ENTPD6: variants seen among roughly 807,000 people sequenced by gnomAD.
ENTPD6 encodes the protein ectonucleoside triphosphate diphosphohydrolase 6.
A neutral mutation model predicts 61.5 loss-of-function variants in ENTPD6; 46 were observed. That is an observed-to-expected ratio of 0.75 (90% CI 0.59 to 0.96). ENTPD6 has a LOEUF of 0.96. Ranked by LOEUF, ENTPD6 falls within the 40% of genes least tolerant of loss-of-function variation. The pLI is 0.00. For missense variants in ENTPD6, 612 were observed against 629.0 expected, an observed-to-expected ratio of 0.97 and a Z score of 0.29; for synonymous variants, 252 against 255.5, an observed-to-expected ratio of 0.99 and a Z score of 0.13.
chr20:25,200,613 A>AT (rs2090956160), intron 1 of ENTPD6, among the ~76,000 whole-genome samples: 1 of 152,088 alleles, frequency 6.6e-6, no homozygotes, highest in Non-Finnish European at 1.5e-5. Flanking sequence ...AATCATTTTT[A>AT]TTCTGTAAAA....
intron 1 of ENTPD6, among the ~76,000 whole-genome samples, chr20:25,203,979 C>T (rs2091258958): frequency 6.6e-6 from 1 of 152,228 alleles, no homozygotes; most frequent in Non-Finnish European, 1.5e-5. Context: ...TCTGAGGATG[C>T]ATCTTCCCTG....
chr20:25,198,269 A>T (rs966291074), intron 1 of ENTPD6, among the ~76,000 whole-genome samples: 3 of 152,132 alleles, frequency 2.0e-5, no homozygotes, highest in African/African-American at 7.2e-5. Flanking sequence ...TGAGGTCAGG[A>T]GTTCGAGACC....
intron 13 of ENTPD6, 53 bp downstream of exon 13, chr20:25,224,210 C>T (rs769352813): frequency 1.3e-5 from 20 of 1,542,362 alleles, no homozygotes; most frequent in African/African-American, 6.8e-5. Flanking sequence ...CCGTGATGCT[C>T]GTGACGCAGG....
chr20:25,218,714 A>T lies in ENTPD6; in HGVS notation c.943+100A>T. On this transcript the variant is annotated intron_variant, in intron 10 of 14. Coordinates refer to ENST00000376652, the MANE Select transcript of ENTPD6 (RefSeq NM_001247.5). ...CGGGAGGGCACCAGCTTGGCCCTGC[A>T]GGAGAGGTCCCTCTGCCCCTCCCAC... 4.0e-6 allele frequency: 5 copies of T among 1,237,338 alleles called. No individual in the cohort carries two copies. The East Asian group carries it at 1.3e-4, about 32-fold the overall frequency. The allele number at this position is 1,237,338 out of a possible 1,614,324, so 76.6% of individuals were successfully genotyped here. A position where few individuals can be genotyped will look rare whatever the true frequency, so the allele number is the denominator to read the frequency against.
At chr20:25,198,307 C>CT (rs1413874074) in intron 1 of ENTPD6, among the ~76,000 whole-genome samples, 1 of 152,082 alleles carries the variant, frequency 6.6e-6, no homozygotes, top group East Asian at 1.9e-4. Context: ...GAAATACCGT[C>CT]TGTACTAAAA....
At position 25,216,755 on chromosome 20, in the gene ENTPD6, C is replaced by T. The variant is rs2092338342; in HGVS notation, c.798+19C>T. On this transcript the variant is annotated intron_variant, in intron 8 of 14. Coordinates refer to ENST00000376652, the MANE Select transcript of ENTPD6 (RefSeq NM_001247.5). ...CGTGGAGGTAACAAGCCCTGCCGAC[C>T]ACAGCGCTCTTTCCACCCCGAGGCC... 3 of 1,566,024 alleles carry T rather than the reference C, an allele frequency of 1.9e-6. No individual in the cohort carries two copies. Among genetic ancestry groups the T allele is most frequent in the African/African-American group, 2.7e-5 (2 of 74,114 alleles).
rs1276803567 is a variant in ENTPD6 at position 25,225,200 on chromosome 20, C to T, written c.1244-5C>T. On this transcript the variant is annotated splice_region_variant and splice_polypyrimidine_tract_variant and intron_variant, in intron 13 of 14. Transcript: ENST00000376652. The stretch of plus-strand genomic sequence containing the variant: ...GGAGCGTGAAGGGACGTGTCTCATC[C>T]CCAGTGTGTCGGACCCTGGAGACAC... 16 of 1,610,826 alleles carry T rather than the reference C, an allele frequency of 9.9e-6. No homozygotes were observed. Among genetic ancestry groups the T allele is most frequent in the Non-Finnish European group, 1.3e-5 (15 of 1,178,920 alleles).
chr20:25,225,512 T>C lies in ENTPD6; in HGVS notation c.1370T>C (p.Ile457Thr). Residue 457 changes from isoleucine to threonine, a missense_variant, in exon 15 of 15, where the codon ATT becomes ACT. Coordinates refer to ENST00000376652, the MANE Select transcript of ENTPD6 (RefSeq NM_001247.5). ...TGTCTTTTCAAGCTCACTCGGAAAA[T>C]TGACAATGTTGAGACCAGCTGGGCT... ...RSKVLKLTRK[I>T]DNVETSWALG... The C allele has an allele frequency of 6.2e-7, 1 of 1,613,806 alleles. No homozygotes were observed. Among genetic ancestry groups the C allele is most frequent in the Non-Finnish European group, 8.5e-7 (1 of 1,179,856 alleles).
rs953477259 is a variant in ENTPD6, at chr20:25,197,286, C to G, written c.-16+1419C>G. The G allele has an allele frequency of 3.1e-6, 3 of 954,738 alleles. No individual in the cohort carries two copies. The African/African-American group carries it at 5.3e-5, about 17-fold the overall frequency. The allele number at this position is 954,738 out of a possible 1,614,324, so 59.1% of individuals were successfully genotyped here. A position where few individuals can be genotyped will look rare whatever the true frequency, so the allele number is the denominator to read the frequency against. ...GGGACAGGGTAGCTCCTACCACCAA[C>G]AACACTGCTCTACCCTCAGATTCTC... is the stretch of plus-strand genomic sequence containing the variant. On this transcript the variant is annotated intron_variant, in intron 1 of 14. Transcript: ENST00000376652.
rs1446760564 is a variant in ENTPD6 at position 25,206,513 on chromosome 20, C to T, written c.-15-9C>T. The T allele has an allele frequency of 6.2e-7, 1 of 1,607,960 alleles. No individual in the cohort carries two copies. The highest frequency in any genetic ancestry group is 1.3e-5 in the African/African-American group (1 of 74,820). ...TGGAAGTACACAGACATTATTTTCT[C>T]CTTGGCAGGAATGGGCTATGTGAAT... On this transcript the variant is annotated splice_polypyrimidine_tract_variant and intron_variant, in intron 1 of 14. Transcript: ENST00000376652.
Position 25,227,343 on chromosome 20 carries a change from A to ACTC in ENTPD6, c.*1748_*1750dup. 6.6e-6 allele frequency among the ~76,000 whole-genome samples: 1 copy of ACTC among 152,236 alleles called. No homozygotes were observed. The highest frequency in any genetic ancestry group is 1.9e-4 in the East Asian group (1 of 5,176). Reference sequence around the variant, plus strand: ...ATCCACCAGCTTAAATATTTAAAGAACTCCGGAGGCTGAGAATCAGACGCA... The same window carrying ACTC: ...ATCCACCAGCTTAAATATTTAAAGAACTCCTCCGGAGGCTGAGAATCAGACGCA... On this transcript the variant is annotated 3_prime_UTR_variant, in exon 15 of 15. Transcript: ENST00000376652.
Position 25,207,088 on chromosome 20 carries a change from G to A in ENTPD6, c.67G>A (p.Gly23Ser), listed in dbSNP as rs45506395. The A allele has an allele frequency of 0.015, 23,700 of 1,606,310 alleles. 242 individuals carry two copies. Among genetic ancestry groups the A allele is most frequent in the Non-Finnish European group, 0.017 (20,094 of 1,173,902 alleles). ...CCCTTCCCACCAGCAGCCGCAGCAC[G>A]GTCCTTGGCAAACAAGGATGAGAAA... ...TSYIFQQPQH[G>S]PWQTRMRKIS... The change falls in exon 3 of 15, where the codon GGT (glycine) becomes AGT (serine). Residue 23 changes from glycine to serine, a missense_variant. Physicochemically the swap from Gly to Ser is moderately conservative, Grantham distance 56. Coordinates refer to ENST00000376652, the MANE Select transcript of ENTPD6 (RefSeq NM_001247.5).
At chr20:25,215,028 C>A in intron 6 of ENTPD6, 86 bp downstream of exon 6, 1 of 853,788 alleles carries the variant, frequency 1.2e-6, no homozygotes. Context: ...CATCCGCCAC[C>A]CCTCCCCGCC....
At chr20:25,224,627 C>G (rs1259449366) in intron 13 of ENTPD6, 1 of 157,240 alleles carries the variant, frequency 6.4e-6, no homozygotes, top group African/African-American at 2.4e-5. Flanking sequence ...GGTTGCCCTT[C>G]CCAATGTGTG....
intron 13 of ENTPD6, chr20:25,224,760 C>G (rs1468185783): frequency 5.8e-6 from 1 of 173,078 alleles, no homozygotes; most frequent in Non-Finnish European, 1.2e-5. Flanking sequence ...CACTGGGTAT[C>G]CACAACTACA....
chr20:25,198,313 T>C (rs1176267661), intron 1 of ENTPD6, among the ~76,000 whole-genome samples: 4 of 152,068 alleles, frequency 2.6e-5, no homozygotes, highest in Admixed American at 1.3e-4. Context: ...CCGTCTGTAC[T>C]AAAAATACAA....
chr20:25,209,708 A>G, intron 3 of ENTPD6, 141 bp from the exon 4 acceptor site: 1 of 669,890 alleles, frequency 1.5e-6, no homozygotes, highest in Non-Finnish European at 2.7e-6. Context: ...GAATTTAGAC[A>G]AGGAATAGCT....
chr20:25,226,974 G>A lies in ENTPD6; in HGVS notation c.*1377G>A, dbSNP rs563500402. ...GTGCCAGGCCAGCAGCCCACAGCACGGCCAGGTGAGGCCTGGGCACATAAC... is the reference window on the plus strand; with the variant it reads ...GTGCCAGGCCAGCAGCCCACAGCACAGCCAGGTGAGGCCTGGGCACATAAC... On this transcript the variant is annotated 3_prime_UTR_variant, in exon 15 of 15. Transcript: ENST00000376652. Among the ~76,000 whole-genome samples the A allele has an allele frequency of 3.3e-5, 5 of 152,364 alleles. No individual in the cohort carries two copies. The highest frequency in any genetic ancestry group is 5.9e-5 in the Non-Finnish European group (4 of 68,030).
intron 5 of ENTPD6, among the ~76,000 whole-genome samples, chr20:25,214,093 C>CG (rs144240613): frequency 0.011 from 1,694 of 152,296 alleles, 33 homozygotes; most frequent in African/African-American, 0.039. Context: ...GATGCTCAGA[C>CG]GTGACTGTCG....
Sources: gnomAD v4.1 joint callset for allele counts (sites outside exome capture counted in the v4.1 genomes callset) on GRCh38, gnomAD v4.1.1 for gene constraint, MANE v1.5 for transcripts, NCBI Gene and HGNC (gene_info 2026-07-23, HGNC 2026-07-21) for gene names.